ENAM: variants seen among roughly 807,000 people sequenced by gnomAD.
ENAM encodes amelogenesis imperfecta 2, hypocalcification (autosomal dominant).
In ENAM, 21 loss-of-function variants were observed where a neutral mutation model predicts 33.6. The observed-to-expected ratio is 0.63, with a 90% CI of 0.44 to 0.90. The LOEUF is 0.90. Among genes scored for constraint, ENAM ranks in the 40% least tolerant of loss-of-function variants. The probability of loss-of-function intolerance (pLI) is 0.00; values close to 1 mark genes in which losing one functional copy is unlikely to be tolerated. For synonymous variants in ENAM, 473 were observed against 468.4 expected, an observed-to-expected ratio of 1.01 and a Z score of -0.13; for missense variants, 1,388 against 1,366.9, an observed-to-expected ratio of 1.02 and a Z score of -0.24.
Position 70,634,442 on chromosome 4 carries a change from G to T in ENAM, c.345G>T (p.Lys115Asn), listed in dbSNP as rs544910871. The T allele has an allele frequency of 2.5e-6, 4 of 1,614,058 alleles. No homozygotes were observed. In the South Asian group the frequency reaches 4.4e-5, roughly 18 times the overall value. ...CCTCAGCACCCAAACGTCATAACAA[G>T]ACTGATCAGACCCAAGAAACCCAGA... ...RKSSAPKRHN[K>N]TDQTQETQKP... Residue 115 changes from lysine (K) to asparagine (N), a missense_variant, in exon 6 of 9, where the codon AAG becomes AAT. Lys to Asn is a moderately conservative substitution (Grantham distance 94). Coordinates refer to ENST00000396073, the MANE Select transcript of ENAM (RefSeq NM_031889.3).
chr4:70,642,643 A>C lies in ENAM; in HGVS notation c.1217A>C (p.Gln406Pro). The C allele has an allele frequency of 6.2e-7, 1 of 1,614,002 alleles. No homozygotes were observed. The highest frequency in any genetic ancestry group is 8.5e-7 in the Non-Finnish European group (1 of 1,179,970). Residue 406 changes from glutamine (Q) to proline (P), a missense_variant, in exon 9 of 9, where the codon CAG (glutamine) becomes CCG (proline). Physicochemically the swap from Gln to Pro is moderately conservative, Grantham distance 76. Coordinates refer to ENST00000396073, the MANE Select transcript of ENAM (RefSeq NM_031889.3). ...CCAGCAAATCTCAGAAGAAAGCCTC[A>C]GGGGCCAAATAAACACCCTGTAGGA... ...GNPANLRRKP[Q>P]GPNKHPVGTT...
At chr4:70,638,534 C>G (rs1738518317) in intron 8 of ENAM, among the ~76,000 whole-genome samples, 1 of 142,234 alleles carries the variant, frequency 7.0e-6, no homozygotes, top group Non-Finnish European at 1.5e-5. Context: ...AGCCATAGCA[C>G]CACTGCACTC....
chr4:70,629,897 A>G (rs1382289752), intron 2 of ENAM, among the ~76,000 whole-genome samples: 2 of 152,168 alleles, frequency 1.3e-5, no homozygotes, highest in African/African-American at 2.4e-5. Flanking sequence ...ATCAAGAATC[A>G]CTGTGACAGC....
At position 70,642,512 on chromosome 4, in the gene ENAM, C is replaced by A. The variant is rs879759677; in HGVS notation, c.1086C>A (p.Asn362Lys). The part of the protein sequence containing the change: ...NQQVQRGPRW[N>K]FFAWERKQVA... ...AAGTTCAAAGGGGTCCTCGGTGGAA[C>A]TTCTTTGCTTGGGAACGTAAACAAG... The change falls in exon 9 of 9, where the codon AAC becomes AAA. Residue 362 changes from asparagine (N) to lysine (K), a missense_variant. Coordinates refer to ENST00000396073, the MANE Select transcript of ENAM (RefSeq NM_031889.3). 6.2e-7 allele frequency: 1 copy of A among 1,614,104 alleles called. No individual in the cohort carries two copies. Among genetic ancestry groups the A allele is most frequent in the East Asian group, 2.2e-5 (1 of 44,888 alleles).
chr4:70,643,296 G>A lies in ENAM; in HGVS notation c.1870G>A (p.Asp624Asn). 6.2e-7 allele frequency: 1 copy of A among 1,614,004 alleles called. No individual in the cohort carries two copies. The highest frequency in any genetic ancestry group is 8.5e-7 in the Non-Finnish European group (1 of 1,179,934). ...TAGAGGCAATACATGGGATGAGAGA[G>A]ATGATTCTCCCAATACTATGGGGCA... ...YLRGNTWDER[D>N]DSPNTMGQKE... Residue 624 changes from aspartate (D) to asparagine (N), a missense_variant, in exon 9 of 9, where the codon GAT (aspartate) becomes AAT (asparagine). Coordinates refer to ENST00000396073, the MANE Select transcript of ENAM (RefSeq NM_031889.3).
rs775049599 is a variant in ENAM, at chr4:70,643,692, G to A, written c.2266G>A (p.Glu756Lys). Residue 756 changes from glutamate (E) to lysine (K), a missense_variant, in exon 9 of 9, where the codon GAA becomes AAA. By Grantham distance (56) the Glu-to-Lys change is moderately conservative (BLOSUM62 1). Coordinates refer to ENST00000396073, the MANE Select transcript of ENAM (RefSeq NM_031889.3). ...YYVNNAAGPE[E>K]STLFPSRNSW... Reference sequence around the variant, plus strand: ...CGTTAATAATGCCGCTGGACCAGAAGAAAGCACTCTATTTCCTTCACGGAA... The same window carrying A: ...CGTTAATAATGCCGCTGGACCAGAAAAAAGCACTCTATTTCCTTCACGGAA... 10 of 1,614,152 alleles carry A rather than the reference G, an allele frequency of 6.2e-6. No homozygotes were observed. Among genetic ancestry groups the A allele is most frequent in the South Asian group, 1.1e-5 (1 of 91,076 alleles).
intron 8 of ENAM, among the ~76,000 whole-genome samples, chr4:70,641,103 C>A (rs1577971694): frequency 6.6e-6 from 1 of 152,090 alleles, no homozygotes; most frequent in East Asian, 1.9e-4. Flanking sequence ...TAAGAGAGAG[C>A]AGAAACTTAA....
intron 8 of ENAM, among the ~76,000 whole-genome samples, chr4:70,639,342 C>T (rs2109823647): frequency 6.6e-6 from 1 of 152,214 alleles, no homozygotes; most frequent in African/African-American, 2.4e-5. Flanking sequence ...GCAATCCCAG[C>T]ACTTTGGGAG....
At position 70,645,855 on chromosome 4, in the gene ENAM, G is replaced by C. The variant is rs1000495167; in HGVS notation, c.*1000G>C. On this transcript the variant is annotated 3_prime_UTR_variant, in exon 9 of 9. Transcript: ENST00000396073. ...GTTAGAGAGACGTATTTAAGGAGAAGGGAAGGCAGGATACCCAGAACTAGC... is the reference window on the plus strand; with the variant it reads ...GTTAGAGAGACGTATTTAAGGAGAACGGAAGGCAGGATACCCAGAACTAGC... The C allele has an allele frequency of 6.6e-6, 1 of 152,182 alleles. No homozygotes were observed. The highest frequency in any genetic ancestry group is 6.5e-5 in the Admixed American group (1 of 15,280). 9.4% of individuals were successfully genotyped at this position (152,182 alleles called of 1,614,324 possible).
intron 6 of ENAM, among the ~76,000 whole-genome samples, chr4:70,635,444 T>G (rs1215204020): frequency 6.6e-6 from 1 of 152,130 alleles, no homozygotes; most frequent in Non-Finnish European, 1.5e-5. Flanking sequence ...ATTACAGACA[T>G]AGGGAGTACC....
In ENAM at chr4:70,637,794, T is replaced by C. The variant is rs367993395; in HGVS notation, c.539T>C (p.Leu180Ser). 24 of 1,613,496 alleles carry C rather than the reference T, an allele frequency of 1.5e-5. No individual in the cohort carries two copies. The African/African-American group carries it at 2.8e-4, about 19-fold the overall frequency. Residue 180 changes from leucine to serine, a missense_variant, in exon 8 of 9, where the codon TTA (leucine) becomes TCA (serine). Coordinates refer to ENST00000396073, the MANE Select transcript of ENAM (RefSeq NM_031889.3). ...ACTGTGTTTTTCACTTCTCAGAGGT[T>C]ACCACCACCAGGTTATGGACGCCCA... ...QQPPWQIPQR[L>S]PPPGYGRPPI...
Position 70,631,678 on chromosome 4 carries a change from AG to A in ENAM, c.65del (p.Gly22AlafsTer3), listed in dbSNP as rs1164585775. On this transcript the variant is annotated frameshift_variant, in exon 3 of 9. Coordinates refer to ENST00000396073, the MANE Select transcript of ENAM (RefSeq NM_031889.3). LOFTEE classifies it high-confidence loss of function. ...FPKLDNLVPK[G>X]KMKILLVFLG... The stretch of plus-strand genomic sequence containing the variant: ...TCAATTTTTTATTCTAGGTACCAAA[AG>A]GCAAAATGAAGATTCTCCTGGTCTT... 6.2e-7 allele frequency: 1 copy of A among 1,612,452 alleles called. No homozygotes were observed.
chr4:70,641,770 T>A (rs1464000748), intron 8 of ENAM, among the ~76,000 whole-genome samples: 1 of 151,366 alleles, frequency 6.6e-6, no homozygotes, highest in East Asian at 1.9e-4. Flanking sequence ...ACAAAAACCC[T>A]CAGATGTATA....
At position 70,644,037 on chromosome 4, in the gene ENAM, A is replaced by G; in HGVS notation, c.2611A>G (p.Arg871Gly). The G allele has an allele frequency of 1.2e-6, 2 of 1,614,208 alleles. No individual in the cohort carries two copies. Among genetic ancestry groups the G allele is most frequent in the Non-Finnish European group, 1.7e-6 (2 of 1,180,026 alleles). ...KEAHLFHLSQRGSCCAGSSTG... is the reference protein window; with the variant it reads ...KEAHLFHLSQGGSCCAGSSTG... Reference sequence around the variant, plus strand: ...AGCACATTTATTTCACCTAAGCCAGAGAGGCTCTTGCTGTGCTGGTAGCTC... The same window carrying G: ...AGCACATTTATTTCACCTAAGCCAGGGAGGCTCTTGCTGTGCTGGTAGCTC... The change falls in exon 9 of 9, where the codon AGA (arginine) becomes GGA (glycine). Residue 871 changes from arginine (R) to glycine (G), a missense_variant. Coordinates refer to ENST00000396073, the MANE Select transcript of ENAM (RefSeq NM_031889.3).
chr4:70,637,729 A>G, intron 7 of ENAM, 61 bp from the exon 8 acceptor site: 2 of 1,300,802 alleles, frequency 1.5e-6, no homozygotes, highest in East Asian at 4.6e-5. Flanking sequence ...TGAGTCTTAC[A>G]AACAAATGGC....
intron 8 of ENAM, among the ~76,000 whole-genome samples, chr4:70,640,548 A>G (rs1738571476): frequency 6.6e-6 from 1 of 152,202 alleles, no homozygotes; most frequent in South Asian, 2.1e-4. Context: ...TAATAGTTAT[A>G]GCCCAGATTA....
rs144482508 is a variant in ENAM at position 70,632,848 on chromosome 4, C to A, written c.210+156C>A. On this transcript the variant is annotated intron_variant, in intron 5 of 8. Coordinates refer to ENST00000396073, the MANE Select transcript of ENAM (RefSeq NM_031889.3). ...AAGGTGGAAAAATTATTGCCCCTAT[C>A]CTCTCACACCAAATTTTCTTCTTAT... is the stretch of plus-strand genomic sequence containing the variant. Among the ~76,000 whole-genome samples, 1,371 of 152,166 alleles carry A rather than the reference C, an allele frequency of 9.0e-3. 18 individuals carry two copies. Among genetic ancestry groups the A allele is most frequent in the African/African-American group, 0.031 (1,305 of 41,548 alleles).
chr4:70,645,156 GACTTCTTTTGCTCTCAAAGTTCC>G lies in ENAM; in HGVS notation c.*303_*325del. ...CTGAGTTAGTTTCCTTTTGCTTGAT[GACTTCTTTTGCTCTCAAAGTTCC>G]ATACTTGCAAAATTGGTTTTTCAAG... is the stretch of plus-strand genomic sequence containing the variant. On this transcript the variant is annotated 3_prime_UTR_variant, in exon 9 of 9. Coordinates refer to ENST00000396073, the MANE Select transcript of ENAM (RefSeq NM_031889.3). 1.9e-6 allele frequency: 1 copy of G among 539,950 alleles called. No individual in the cohort carries two copies. The highest frequency in any genetic ancestry group is 3.3e-6 in the Non-Finnish European group (1 of 303,300). The allele number at this position is 539,950 out of a possible 1,614,324, so 33.4% of individuals were successfully genotyped here.
intron 7 of ENAM, among the ~76,000 whole-genome samples, chr4:70,637,143 G>A (rs1382751427): frequency 1.3e-5 from 2 of 152,162 alleles, no homozygotes; most frequent in African/African-American, 4.8e-5. Flanking sequence ...GGAAATTAAG[G>A]CAGTACAAGG....
Sources: allele counts gnomAD v4.1 joint callset (sites outside exome capture counted in the v4.1 genomes callset), GRCh38; gene constraint gnomAD v4.1.1; transcripts MANE v1.5; gene names NCBI Gene and HGNC (gene_info 2026-07-23, HGNC 2026-07-21).